Variants in ASPH observed in about 807,000 individuals in gnomAD.
The protein encoded by ASPH is aspartyl/asparaginyl beta-hydroxylase.
Under a neutral mutation model 118.4 loss-of-function variants are expected in ASPH, and 100 were observed. The observed-to-expected ratio is 0.84, with a 90% CI of 0.72 to 1.00. The LOEUF is 1.00. Among genes scored for constraint, ASPH ranks in the 50% least tolerant of loss-of-function variants. The pLI is 0.00. For synonymous variants in ASPH, 315 were observed against 325.6 expected, an observed-to-expected ratio of 0.97 and a Z score of 0.35; for missense variants, 920 against 919.5, an observed-to-expected ratio of 1.00 and a Z score of -0.01.
chr8:61,540,471 G>A (rs1341556963), intron 21 of ASPH, among the ~76,000 whole-genome samples: 2 of 152,110 alleles, frequency 1.3e-5, no homozygotes, highest in Non-Finnish European at 2.9e-5. Context: ...GCTTCCTGTG[G>A]CCTCCCTAGA....
intron 1 of ASPH, among the ~76,000 whole-genome samples, chr8:61,692,525 G>A (rs182122940): frequency 6.6e-6 from 1 of 152,218 alleles, no homozygotes; most frequent in East Asian, 1.9e-4. Context: ...TCAGCCTAAT[G>A]CCACTCGCAA....
chr8:61,575,333 C>G (rs1294437968), intron 16 of ASPH, among the ~76,000 whole-genome samples: 1 of 152,186 alleles, frequency 6.6e-6, no homozygotes, highest in Non-Finnish European at 1.5e-5. Flanking sequence ...GGGCTTTGCT[C>G]AAATGTCACC....
chr8:61,661,767 G>A (rs537659105), intron 3 of ASPH: 2 of 361,082 alleles, frequency 5.5e-6, no homozygotes, highest in African/African-American at 4.2e-5. Context: ...AGCTAAGCAG[G>A]TCATAATACA....
chr8:61,529,380 C>T (rs578095835), intron 21 of ASPH, among the ~76,000 whole-genome samples: 1 of 152,228 alleles, frequency 6.6e-6, no homozygotes, highest in East Asian at 1.9e-4. Context: ...TGGTGAGCGC[C>T]CTGCAGAGGG....
intron 24 of ASPH, among the ~76,000 whole-genome samples, chr8:61,507,354 G>C (rs546213940): frequency 1.3e-5 from 2 of 152,292 alleles, no homozygotes; most frequent in South Asian, 4.1e-4. Context: ...CTGTTTCAGG[G>C]TCATAAAACT....
chr8:61,631,427 G>A (rs999179128), intron 13 of ASPH, among the ~76,000 whole-genome samples: 7 of 152,058 alleles, frequency 4.6e-5, no homozygotes, highest in East Asian at 1.9e-4. Context: ...CTTTGTCTAC[G>A]TTTAGGTATG....
intron 1 of ASPH, among the ~76,000 whole-genome samples, chr8:61,686,752 G>T (rs1830694279): frequency 6.6e-6 from 1 of 152,014 alleles, no homozygotes; most frequent in Non-Finnish European, 1.5e-5. Flanking sequence ...GAATCAAATT[G>T]AATTTTTTTT....
chr8:61,541,307 C>G (rs536986473), intron 21 of ASPH, among the ~76,000 whole-genome samples: 1 of 151,968 alleles, frequency 6.6e-6, no homozygotes, highest in African/African-American at 2.4e-5. Context: ...GAGCTTGCAG[C>G]GAGCTGAGAT....
At chr8:61,554,129 A>T (rs1441981564) in intron 19 of ASPH, among the ~76,000 whole-genome samples, 1 of 152,220 alleles carries the variant, frequency 6.6e-6, no homozygotes. Context: ...AAGGAAATGT[A>T]AGGAGACACT....
intron 13 of ASPH, chr8:61,633,427 C>A: frequency 3.3e-6 from 1 of 300,916 alleles, no homozygotes; most frequent in Non-Finnish European, 6.2e-6. Flanking sequence ...CTACTACCAC[C>A]ATCTATAATG....
intron 1 of ASPH, among the ~76,000 whole-genome samples, chr8:61,688,842 C>A (rs560610040): frequency 1.3e-5 from 2 of 152,290 alleles, no homozygotes; most frequent in Admixed American, 1.3e-4. Context: ...ATCTCATATT[C>A]TTCTTCATGG....
intron 21 of ASPH, among the ~76,000 whole-genome samples, chr8:61,535,941 T>C (rs1178290822): frequency 6.6e-6 from 1 of 152,074 alleles, no homozygotes; most frequent in Non-Finnish European, 1.5e-5. Flanking sequence ...AGGAAATTAC[T>C]AGCATTAAAG....
At chr8:61,504,880 A>G (rs531047864) in intron 24 of ASPH, among the ~76,000 whole-genome samples, 7 of 152,314 alleles carry the variant, frequency 4.6e-5, no homozygotes, top group African/African-American at 1.4e-4. Flanking sequence ...TAAAGTACTG[A>G]GTATTTGCAA....
chr8:61,595,734 G>A (rs925230101), intron 14 of ASPH, among the ~76,000 whole-genome samples: 5 of 152,190 alleles, frequency 3.3e-5, no homozygotes, highest in African/African-American at 1.2e-4. Flanking sequence ...AAATAAGAAT[G>A]GCCTGGATGC....
Position 61,651,035 on chromosome 8 carries a change from G to T in ASPH, c.490+15C>A, listed in dbSNP as rs372857371. ...TTTTAGTAACTCAAAACAAAGAGCA[G>T]ATTTTAATTCATACCATGTTCTGCG... On this transcript the variant is annotated intron_variant, in intron 5 of 24. Coordinates refer to ENST00000379454, the MANE Select transcript of ASPH (RefSeq NM_004318.4). 1 of 1,600,036 alleles carries T rather than the reference G, an allele frequency of 6.2e-7. No homozygotes were observed. Among genetic ancestry groups the T allele is most frequent in the Non-Finnish European group, 8.5e-7 (1 of 1,173,382 alleles).
At chr8:61,630,400 G>T (rs1158100582) in intron 13 of ASPH, among the ~76,000 whole-genome samples, 2 of 152,106 alleles carry the variant, frequency 1.3e-5, no homozygotes, top group Non-Finnish European at 2.9e-5. Flanking sequence ...CACAAATACA[G>T]ATTTATGAAG....
intron 21 of ASPH, among the ~76,000 whole-genome samples, chr8:61,546,848 AAAGG>A (rs1252704050): frequency 6.6e-6 from 1 of 152,212 alleles, no homozygotes; most frequent in Admixed American, 6.5e-5. Flanking sequence ...ACATATACCT[AAAGG>A]AAGAAAGAAC....
intron 3 of ASPH, among the ~76,000 whole-genome samples, chr8:61,674,560 T>TC (rs1824302984): frequency 6.6e-6 from 1 of 152,198 alleles, no homozygotes; most frequent in Non-Finnish European, 1.5e-5. Flanking sequence ...CATCCAAAAG[T>TC]AGCTACAGAA....
At chr8:61,544,074 G>C (rs147111548) in intron 21 of ASPH, among the ~76,000 whole-genome samples, 13 of 152,296 alleles carry the variant, frequency 8.5e-5, no homozygotes, top group Non-Finnish European at 1.9e-4. Flanking sequence ...CTAAAAATGT[G>C]ATGTGGCCCC....
Sources: gnomAD v4.1 joint callset for allele counts (sites outside exome capture counted in the v4.1 genomes callset) on GRCh38, gnomAD v4.1.1 for gene constraint, MANE v1.5 for transcripts, NCBI Gene and HGNC (gene_info 2026-07-23, HGNC 2026-07-21) for gene names.